CAST: variants seen among roughly 807,000 people sequenced by gnomAD.
CAST encodes the protein MIR583 host.
Under a neutral mutation model 119.6 loss-of-function variants are expected in CAST, and 76 were observed. That is an observed-to-expected ratio of 0.64 (90% CI 0.53 to 0.77). The LOEUF is 0.77. CAST is among the 30% of genes least tolerant of loss of function. The probability of loss-of-function intolerance (pLI) is 0.00; values close to 1 mark genes in which losing one functional copy is unlikely to be tolerated. For synonymous variants in CAST, 319 were observed against 331.6 expected (o/e 0.96, Z 0.41); for missense variants, 953 against 946.5 (o/e 1.01, Z -0.09).
At chr5:96,123,181 C>T in the CAST span, among the ~76,000 whole-genome samples, 258 of 152,114 alleles carry the variant, frequency 1.7e-3, no homozygotes, top group Non-Finnish European at 2.4e-3. Context: ...TTAGGATACA[C>T]GTATTAGGCT....
At chr5:96,564,176 A>G (rs1270141491) in intron 1 of CAST, among the ~76,000 whole-genome samples, 1 of 152,194 alleles carries the variant, frequency 6.6e-6, no homozygotes, top group Admixed American at 6.5e-5. Flanking sequence ...ACAGTCACCA[A>G]TTACCTTCAT....
At chr5:96,363,704 G>A in the CAST span, among the ~76,000 whole-genome samples, 1 of 152,212 alleles carries the variant, frequency 6.6e-6, no homozygotes, top group Admixed American at 6.5e-5. Flanking sequence ...AGACTTTGCT[G>A]AAGTTGCTTA....
At chr5:96,542,336 T>C (rs1047946339) in intron 1 of CAST, among the ~76,000 whole-genome samples, 1 of 145,612 alleles carries the variant, frequency 6.9e-6, no homozygotes, top group Non-Finnish European at 1.5e-5. Context: ...CAAAACTATT[T>C]TTAGTTTTGT....
chr5:96,160,440 C>A, the CAST span, among the ~76,000 whole-genome samples: 5 of 152,142 alleles, frequency 3.3e-5, no homozygotes, highest in Non-Finnish European at 7.4e-5. Flanking sequence ...AGTATCAGTA[C>A]TTTATTCCTT....
At chr5:96,536,014 T>C in intron 1 of CAST, among the ~76,000 whole-genome samples, 1 of 147,432 alleles carries the variant, frequency 6.8e-6, no homozygotes, top group Admixed American at 6.8e-5. Context: ...TAAATAACCA[T>C]ATGTTAAATA....
At position 96,675,614 on chromosome 5, in the gene CAST, A is replaced by G. The variant is rs1338721280; in HGVS notation, c.138+13A>G. The G allele has an allele frequency of 1.3e-6, 2 of 1,579,408 alleles. No individual in the cohort carries two copies. The highest frequency in any genetic ancestry group is 1.7e-5 in the Admixed American group (1 of 58,570). On this transcript the variant is annotated intron_variant, in intron 2 of 31. Coordinates refer to ENST00000675179, the MANE Select transcript of CAST (RefSeq NM_001750.7). ...AGGATCAGATGAGGTAATTTCCACA[A>G]TACTGGGCTTTCATTTTCTCTTGCT... is the stretch of plus-strand genomic sequence containing the variant.
chr5:96,368,607 G>C, the CAST span, among the ~76,000 whole-genome samples: 1 of 151,950 alleles, frequency 6.6e-6, no homozygotes, highest in African/African-American at 2.4e-5. Flanking sequence ...ATTCGCTCCA[G>C]TAGGAAGTGG....
At chr5:95,966,051 C>G in the CAST span, among the ~76,000 whole-genome samples, 2 of 152,124 alleles carry the variant, frequency 1.3e-5, no homozygotes, top group Admixed American at 1.3e-4. Context: ...GCTCTCTAAT[C>G]TAGGTCCATC....
the CAST span, among the ~76,000 whole-genome samples, chr5:96,417,444 G>C: frequency 5.3e-5 from 8 of 151,864 alleles, no homozygotes; most frequent in East Asian, 1.6e-3. Flanking sequence ...TTCAATCATG[G>C]GGCCCCTCCT....
chr5:96,657,614 A>T (rs903921465), upstream of CAST, among the ~76,000 whole-genome samples: 5 of 152,238 alleles, frequency 3.3e-5, no homozygotes, highest in African/African-American at 9.6e-5. Context: ...TAAAAAATTA[A>T]TCTAGCTTTG....
At chr5:96,293,066 C>T in the CAST span, among the ~76,000 whole-genome samples, 16 of 152,122 alleles carry the variant, frequency 1.1e-4, no homozygotes, top group East Asian at 5.8e-4. Context: ...CTTCTCTGGC[C>T]GGGATTCAAC....
chr5:96,742,864 G>T, intron 16 of CAST, 108 bp downstream of exon 16: 1 of 780,666 alleles, frequency 1.3e-6, no homozygotes, highest in South Asian at 1.6e-5. Flanking sequence ...GAGAGTAAAA[G>T]TGAGCATTCT....
chr5:96,538,750 C>T (rs535667375), intron 1 of CAST, among the ~76,000 whole-genome samples: 2 of 150,682 alleles, frequency 1.3e-5, no homozygotes, highest in East Asian at 3.9e-4. Flanking sequence ...ACACACACAC[C>T]GCTCCCTCAG....
chr5:96,746,828 G>T (rs189112626), intron 17 of CAST, among the ~76,000 whole-genome samples: 1 of 152,298 alleles, frequency 6.6e-6, no homozygotes, highest in East Asian at 1.9e-4. Flanking sequence ...AGGTGGTTTT[G>T]TTGCTGTTGT....
intron 3 of CAST, among the ~76,000 whole-genome samples, chr5:96,713,354 A>T (rs1272047813): frequency 6.6e-6 from 1 of 151,882 alleles, no homozygotes; most frequent in East Asian, 2.0e-4. Context: ...GATGGTCACG[A>T]TCTCCTGACC....
intron 1 of CAST, chr5:96,663,107 C>T (rs1215697946): frequency 2.8e-6 from 2 of 702,344 alleles, no homozygotes; most frequent in African/African-American, 1.7e-5. Context: ...GCTCCCCCGC[C>T]GTGCGGATCG....
the CAST span, among the ~76,000 whole-genome samples, chr5:96,223,769 C>CTT: frequency 2.2e-3 from 338 of 152,282 alleles, no homozygotes; most frequent in Non-Finnish European, 3.4e-3. Flanking sequence ...GAATTTATCT[C>CTT]TTGAGAGATC....
At chr5:96,373,047 C>T in the CAST span, among the ~76,000 whole-genome samples, 3,585 of 152,194 alleles carry the variant, frequency 0.024, 57 homozygotes, top group Middle Eastern at 0.054. Context: ...TGAAAGAATC[C>T]TTAGCATCTA....
the CAST span, among the ~76,000 whole-genome samples, chr5:96,161,422 C>T: frequency 6.6e-6 from 1 of 152,128 alleles, no homozygotes; most frequent in East Asian, 1.9e-4. Flanking sequence ...CTTGGCACCT[C>T]TGTTGAAAAC....
Sources: gnomAD v4.1 joint callset for allele counts (sites outside exome capture counted in the v4.1 genomes callset) on GRCh38, gnomAD v4.1.1 for gene constraint, MANE v1.5 for transcripts, NCBI Gene and HGNC (gene_info 2026-07-23, HGNC 2026-07-21) for gene names.